CSMD2: variants seen among roughly 807,000 people sequenced by gnomAD.
The protein encoded by CSMD2 is CUB and sushi domain-containing protein 2.
A neutral mutation model predicts 398.5 loss-of-function variants in CSMD2; 130 were observed. That is an observed-to-expected ratio of 0.33 (90% CI 0.28 to 0.38). The LOEUF (loss-of-function observed/expected upper bound fraction) is 0.38, where lower values mean the gene tolerates loss of function less well. Among genes scored for constraint, CSMD2 ranks in the 10% least tolerant of loss-of-function variants. The pLI, the probability that CSMD2 is intolerant of heterozygous loss-of-function variation, is 1.00. For missense variants in CSMD2, 3,829 were observed against 4,764.9 expected, an observed-to-expected ratio of 0.80 and a Z score of 5.78; for synonymous variants, 1,828 against 1,908.5, an observed-to-expected ratio of 0.96 and a Z score of 1.10.
rs986577576 is a variant in CSMD2, at chr1:34,164,587, T to C, written c.187+324A>G. The stretch of plus-strand genomic sequence containing the variant: ...CCTAGCACCGTGGGGGCTGGGAGGC[T>C]GGAGAAACTGAAGCCACAGACCAGG... On this transcript the variant is annotated intron_variant, in intron 1 of 70. Transcript: ENST00000373381. The surrounding 1 kb of genome is among the most constrained non-coding windows in gnomAD (Gnocchi z 6.2). Among the ~76,000 whole-genome samples, 6 of 151,850 alleles carry C rather than the reference T, an allele frequency of 4.0e-5. No individual in the cohort carries two copies. Among genetic ancestry groups the C allele is most frequent in the Admixed American group, 1.3e-4 (2 of 15,262 alleles).
intron 2 of CSMD2, among the ~76,000 whole-genome samples, chr1:34,051,382 C>T (rs771217729): frequency 5.3e-5 from 8 of 152,080 alleles, no homozygotes; most frequent in Non-Finnish European, 8.8e-5. Flanking sequence ...GAAATAAAGA[C>T]TGTCATTGTT....
At chr1:33,540,424 G>T in intron 60 of CSMD2, 101 bp downstream of exon 60, 1 of 1,204,578 alleles carries the variant, frequency 8.3e-7, no homozygotes, top group Non-Finnish European at 1.2e-6. Context: ...GTTTTGGGGA[G>T]GGGACTACCT....
At position 33,569,377 on chromosome 1, in the gene CSMD2, G is replaced by A. The variant is rs143459383; in HGVS notation, c.8128C>T (p.Leu2710Phe). 3.0e-4 allele frequency: 479 copies of A among 1,613,020 alleles called. 2 individuals carry two copies. Among genetic ancestry groups the A allele is most frequent in the Middle Eastern group, 4.9e-4 (3 of 6,074 alleles). Residue 2710 changes from leucine (L) to phenylalanine (F), a missense_variant, in exon 52 of 71, where the codon CTT (leucine) becomes TTT (phenylalanine). This residue lies in a region of CSMD2 where 723 missense variants were observed against 758.6 expected (regional missense o/e 0.95). Transcript: ENST00000373381. ...GLWSGSEVRCLATQTKLHSIF... is the reference protein window; with the variant it reads ...GLWSGSEVRCFATQTKLHSIF... Reference sequence around the variant, plus strand: ...TAGGCCTGCAGAGGTCACTTACCAAGGCAGCGGACTTCAGAGCCACTCCAG... The same window carrying A: ...TAGGCCTGCAGAGGTCACTTACCAAAGCAGCGGACTTCAGAGCCACTCCAG...
intron 2 of CSMD2, among the ~76,000 whole-genome samples, chr1:34,086,301 T>C (rs1351966247): frequency 6.6e-6 from 1 of 152,216 alleles, no homozygotes; most frequent in Non-Finnish European, 1.5e-5. Flanking sequence ...ACTGGCTCCC[T>C]TGTGACCACA....
At chr1:33,570,319 C>T (rs898674269) in intron 51 of CSMD2, among the ~76,000 whole-genome samples, 4 of 148,532 alleles carry the variant, frequency 2.7e-5, no homozygotes, top group Non-Finnish European at 5.9e-5. Flanking sequence ...AGGTGGGCAC[C>T]ACCATGCTGG....
intron 3 of CSMD2, among the ~76,000 whole-genome samples, chr1:34,028,770 T>C (rs918578978): frequency 1.3e-5 from 2 of 152,208 alleles, no homozygotes; most frequent in Non-Finnish European, 2.9e-5. Flanking sequence ...CAGTCGGTGC[T>C]TAATACAGGT....
intron 2 of CSMD2, among the ~76,000 whole-genome samples, chr1:34,043,799 T>C (rs947889517): frequency 1.2e-4 from 18 of 152,216 alleles, no homozygotes; most frequent in Admixed American, 3.3e-4. Flanking sequence ...GAACACCTGC[T>C]TTCCACCTGG....
chr1:33,681,727 A>G (rs1201625797), intron 25 of CSMD2, among the ~76,000 whole-genome samples: 1 of 152,202 alleles, frequency 6.6e-6, no homozygotes, highest in Non-Finnish European at 1.5e-5. Flanking sequence ...GCACTTTGGG[A>G]GGCCGAGGCA....
intron 9 of CSMD2, among the ~76,000 whole-genome samples, chr1:33,818,941 T>C (rs1424709918): frequency 6.6e-6 from 1 of 152,312 alleles, no homozygotes. Flanking sequence ...GCATGTAACT[T>C]TGCAGTGGGC....
Position 33,570,835 on chromosome 1 carries a change from G to A in CSMD2, c.7957+697C>T, listed in dbSNP as rs527722997. Among the ~76,000 whole-genome samples, 4 of 152,230 alleles carry A rather than the reference G, an allele frequency of 2.6e-5. No individual in the cohort carries two copies. In the East Asian group the frequency reaches 7.7e-4, roughly 29 times the overall value. ...CCTTGCTCCAACTTGTGACAATTCTGAAGGGCCATCCAGAGCTCCCTGGGG... is the reference window on the plus strand; with the variant it reads ...CCTTGCTCCAACTTGTGACAATTCTAAAGGGCCATCCAGAGCTCCCTGGGG... On this transcript the variant is annotated intron_variant, in intron 51 of 70. Transcript: ENST00000373381.
At chr1:33,887,847 T>C (rs1245535073) in intron 5 of CSMD2, among the ~76,000 whole-genome samples, 1 of 152,130 alleles carries the variant, frequency 6.6e-6, no homozygotes, top group East Asian at 1.9e-4. Context: ...AATATGATTG[T>C]CTAATCTAGA....
rs1642003716 is a variant in CSMD2 at position 33,624,854 on chromosome 1, G to A, written c.5500+197C>T. On this transcript the variant is annotated intron_variant, in intron 34 of 70. Coordinates refer to ENST00000373381, the MANE Select transcript of CSMD2 (RefSeq NM_001281956.2). The surrounding 1 kb of genome is among the most constrained non-coding windows in gnomAD (Gnocchi z 4.7). ...CAGCTCCTCTCTCCACGTGTGCCCC[G>A]TCCCCAGTACACCGGCTGTCTTCAC... Among the ~76,000 whole-genome samples, 1 of 152,082 alleles carries A rather than the reference G, an allele frequency of 6.6e-6. No individual in the cohort carries two copies. Among genetic ancestry groups the A allele is most frequent in the African/African-American group, 2.4e-5 (1 of 41,408 alleles).
chr1:33,827,685 G>C (rs952930805), intron 6 of CSMD2, among the ~76,000 whole-genome samples: 1 of 152,100 alleles, frequency 6.6e-6, no homozygotes, highest in African/African-American at 2.4e-5. Context: ...TCAACGCCTA[G>C]AATCATTTCA....
At chr1:33,982,143 G>A (rs1253818150) in intron 3 of CSMD2, among the ~76,000 whole-genome samples, 1 of 152,126 alleles carries the variant, frequency 6.6e-6, no homozygotes, top group Non-Finnish European at 1.5e-5. Flanking sequence ...ACATTCAGAA[G>A]GCAAACAGAA....
intron 10 of CSMD2, among the ~76,000 whole-genome samples, chr1:33,793,722 T>C (rs1157108486): frequency 7.7e-6 from 1 of 130,550 alleles, no homozygotes; most frequent in East Asian, 2.3e-4. Flanking sequence ...GCTTTTTTGG[T>C]AGTGCAGGTG....
chr1:33,846,804 A>G, intron 6 of CSMD2, 80 bp downstream of exon 6: 1 of 827,530 alleles, frequency 1.2e-6, no homozygotes, highest in Non-Finnish European at 1.9e-6. Context: ...CACCGGACCC[A>G]GTAGGGAGAG....
chr1:33,973,872 G>A (rs756368070), intron 3 of CSMD2, among the ~76,000 whole-genome samples: 4 of 152,148 alleles, frequency 2.6e-5, no homozygotes, highest in Non-Finnish European at 4.4e-5. Context: ...TAGGAAAGAC[G>A]TCAACACACT....
intron 2 of CSMD2, among the ~76,000 whole-genome samples, chr1:34,082,934 A>C (rs1185130525): frequency 6.6e-6 from 1 of 152,166 alleles, no homozygotes; most frequent in Non-Finnish European, 1.5e-5. Context: ...AACACTGCGG[A>C]AGGCCGCAGG....
At chr1:34,165,794 G>A (rs766029895), upstream of CSMD2, 3 of 1,614,008 alleles carry the variant, frequency 1.9e-6, no homozygotes, top group Admixed American at 1.7e-5. Context: ...AGGGCCGGGG[G>A]CGATGCTTAT....
Sources: allele counts gnomAD v4.1 joint callset (sites outside exome capture counted in the v4.1 genomes callset), GRCh38; gene constraint gnomAD v4.1.1; regional missense constraint gnomAD v4.1.1; non-coding constraint Gnocchi (gnomAD v3.1); transcripts MANE v1.5; gene names NCBI Gene and HGNC (gene_info 2026-07-23, HGNC 2026-07-21).